The following EFL1 variants were observed in gnomAD, a reference collection of about 807,000 sequenced individuals.
EFL1 encodes elongation factor-like GTPase 1.
EFL1 carries 76 observed loss-of-function variants against 126.7 expected under a neutral mutation model. The ratio of observed to expected loss-of-function variants is 0.60; its 90% CI spans 0.50 to 0.73. EFL1 has a LOEUF of 0.73. Among genes scored for constraint, EFL1 ranks in the 30% least tolerant of loss-of-function variants. The probability of loss-of-function intolerance (pLI) is 0.00; values close to 1 mark genes in which losing one functional copy is unlikely to be tolerated. For missense variants in EFL1, 1,128 were observed against 1,343.2 expected (o/e 0.84, Z 2.50); for synonymous variants, 410 against 448.4 (o/e 0.91, Z 1.08).
At chr15:82,165,845 G>A (rs1380783512) in intron 15 of EFL1, among the ~76,000 whole-genome samples, 1 of 152,180 alleles carries the variant, frequency 6.6e-6, no homozygotes, top group Non-Finnish European at 1.5e-5. Flanking sequence ...GACCTTTTGT[G>A]TGCATGGGAT....
chr15:82,187,916 G>A (rs749202147), intron 15 of EFL1, among the ~76,000 whole-genome samples: 4 of 151,478 alleles, frequency 2.6e-5, no homozygotes, highest in Admixed American at 6.6e-5. Flanking sequence ...TATATTTCAC[G>A]GTAATAACTA....
chr15:82,228,130 G>A (rs2074783150), intron 10 of EFL1, 61 bp downstream of exon 10: 21 of 1,531,656 alleles, frequency 1.4e-5, no homozygotes, highest in Non-Finnish European at 1.7e-5. Flanking sequence ...TTACCATAAC[G>A]CATTGTTTTT....
At chr15:82,203,922 A>G (rs1407184994) in intron 15 of EFL1, among the ~76,000 whole-genome samples, 1 of 152,160 alleles carries the variant, frequency 6.6e-6, no homozygotes, top group Non-Finnish European at 1.5e-5. Flanking sequence ...TCTCTTTAAG[A>G]GTGTACTTAA....
rs1262404893 is a variant in EFL1 at position 82,220,249 on chromosome 15, T to C, written c.1293-20A>G. 1.3e-6 allele frequency: 2 copies of C among 1,564,532 alleles called. No homozygotes were observed. The highest frequency in any genetic ancestry group is 3.9e-5 in the Admixed American group (2 of 50,876). The stretch of plus-strand genomic sequence containing the variant: ...AGAGGCCTACAGGATATCACAAATA[T>C]GCTGTCATCTCTCAGTTCATCCAAG... On this transcript the variant is annotated intron_variant, in intron 12 of 19. Coordinates refer to ENST00000268206, the MANE Select transcript of EFL1 (RefSeq NM_024580.6).
At chr15:82,213,127 A>G (rs899622550) in intron 15 of EFL1, among the ~76,000 whole-genome samples, 1 of 152,172 alleles carries the variant, frequency 6.6e-6, no homozygotes, top group African/African-American at 2.4e-5. Flanking sequence ...AGCTAAATAC[A>G]ATCTTAACTC....
chr15:82,157,228 T>A (rs993709866), intron 17 of EFL1, among the ~76,000 whole-genome samples: 1 of 152,170 alleles, frequency 6.6e-6, no homozygotes, highest in Non-Finnish European at 1.5e-5. Flanking sequence ...GCAATAAACA[T>A]ACATTATCTT....
rs771511884 is a variant in EFL1 at position 82,219,721 on chromosome 15, A to G, written c.1542T>C (p.Gly514=). Residue 514 remains glycine (G), a synonymous_variant, in exon 14 of 20, where the codon GGT becomes GGC. Transcript: ENST00000268206. ...SFIAFARVFS[G]VARRGKKIFV... ...AAATTTTCTTTCCTCTTCGAGCCACACCACTGAACACCCGAGCAAATGCAA... is the reference window on the plus strand; with the variant it reads ...AAATTTTCTTTCCTCTTCGAGCCACGCCACTGAACACCCGAGCAAATGCAA... 12 of 1,613,984 alleles carry G rather than the reference A, an allele frequency of 7.4e-6. 1 individual carries two copies. In the South Asian group the frequency reaches 1.2e-4, roughly 16 times the overall value.
At chr15:82,166,212 T>C (rs1595954747) in intron 15 of EFL1, among the ~76,000 whole-genome samples, 4 of 152,364 alleles carry the variant, frequency 2.6e-5, no homozygotes, top group African/African-American at 9.6e-5. Context: ...TGCTGGTCTT[T>C]CCTCTGTATT....
chr15:82,180,355 C>A (rs775255151), intron 15 of EFL1, among the ~76,000 whole-genome samples: 1 of 80,036 alleles, frequency 1.2e-5, no homozygotes, highest in Admixed American at 1.8e-4. Flanking sequence ...TGCGATTAAA[C>A]TGGCAAAAAA....
rs374555583 is a variant in EFL1 at position 82,152,243 on chromosome 15, G to A, written c.2211C>T (p.Asp737=). ...KIPEGIQVDS[D]GLITITTPNK... ...TGGGAGTTGTTATGGTGATTAGCCC[G>A]TCAGAGTCAACTTGGATTCCTTCAG... Residue 737 remains aspartate (D), a synonymous_variant, in exon 18 of 20, where the codon GAC becomes GAT. Coordinates refer to ENST00000268206, the MANE Select transcript of EFL1 (RefSeq NM_024580.6). 70 of 1,614,044 alleles carry A rather than the reference G, an allele frequency of 4.3e-5. No individual in the cohort carries two copies. The highest frequency in any genetic ancestry group is 6.7e-5 in the Admixed American group (4 of 59,998).
chr15:82,139,983 G>A (rs1473357221), intron 18 of EFL1, among the ~76,000 whole-genome samples: 10 of 152,132 alleles, frequency 6.6e-5, no homozygotes, highest in Admixed American at 6.5e-4. Context: ...TCCCCCTAGT[G>A]GCGGTTATTA....
intron 15 of EFL1, among the ~76,000 whole-genome samples, chr15:82,186,395 G>C (rs2074304151): frequency 6.6e-6 from 1 of 152,122 alleles, no homozygotes; most frequent in Non-Finnish European, 1.5e-5. Context: ...CTTTAGTAAA[G>C]CCCAACCTAA....
chr15:82,134,371 C>CT (rs376117198), intron 19 of EFL1, among the ~76,000 whole-genome samples: 20,279 of 147,130 alleles, frequency 0.14, 1,702 homozygotes, highest in Non-Finnish European at 0.2. Flanking sequence ...GAAAAAGGTG[C>CT]TTTTTTTTTT....
At chr15:82,206,108 A>G (rs1292310555) in intron 15 of EFL1, among the ~76,000 whole-genome samples, 1 of 152,246 alleles carries the variant, frequency 6.6e-6, no homozygotes, top group Non-Finnish European at 1.5e-5. Context: ...GAATTAGAGT[A>G]CACATAAAAA....
chr15:82,233,518 T>C (rs2074843505), intron 7 of EFL1: 1 of 152,150 alleles, frequency 6.6e-6, no homozygotes. Flanking sequence ...TAATGTTAAT[T>C]ACAGAATTCT....
chr15:82,135,785 T>G (rs1161452741), intron 19 of EFL1, among the ~76,000 whole-genome samples: 1 of 152,192 alleles, frequency 6.6e-6, no homozygotes, highest in East Asian at 1.9e-4. Flanking sequence ...TTTGTGTCCT[T>G]AAAGGGAAGG....
intron 15 of EFL1, 113 bp downstream of exon 15, chr15:82,214,604 T>A (rs1485399781): frequency 4.8e-5 from 67 of 1,406,164 alleles, no homozygotes; most frequent in Non-Finnish European, 4.8e-6. Flanking sequence ...GAAAAAAAAA[T>A]TATCAAACTA....
chr15:82,249,375 CT>C, intron 4 of EFL1, among the ~76,000 whole-genome samples: 1 of 151,626 alleles, frequency 6.6e-6, no homozygotes, highest in Middle Eastern at 3.5e-3. Context: ...TGCATATAAA[CT>C]TGTAAATTTA....
At chr15:82,138,423 A>T (rs865839174) in intron 19 of EFL1, among the ~76,000 whole-genome samples, 4 of 101,954 alleles carry the variant, frequency 3.9e-5, no homozygotes, top group Admixed American at 1.2e-4. Context: ...AGAGAGAGAG[A>T]GAGTGTATGT....
Sources: gnomAD v4.1 joint callset for allele counts (sites outside exome capture counted in the v4.1 genomes callset) on GRCh38, gnomAD v4.1.1 for gene constraint, MANE v1.5 for transcripts, NCBI Gene and HGNC (gene_info 2026-07-23, HGNC 2026-07-21) for gene names.